The following SMG5 variants were observed in gnomAD, a reference collection of about 807,000 sequenced individuals.
SMG5 encodes the protein SMG5 nonsense mediated mRNA decay factor, also known as nonsense-mediated mRNA decay factor SMG5.
In SMG5, 53 loss-of-function variants were observed where a neutral mutation model predicts 122.9. That is an observed-to-expected ratio of 0.43 (90% CI 0.35 to 0.54). SMG5 has a LOEUF of 0.54. Among genes scored for constraint, SMG5 ranks in the 20% least tolerant of loss-of-function variants. The pLI, the probability that SMG5 is intolerant of heterozygous loss-of-function variation, is 0.01. For missense variants in SMG5, 1,153 were observed against 1,285.6 expected (o/e 0.90, Z 1.58); for synonymous variants, 477 against 490.2 (o/e 0.97, Z 0.35).
rs1179617875 is a variant in SMG5 at position 156,277,809 on chromosome 1, GCCTCTTACTGCCATGTTTTCTTGGCTC to G, written c.297+89_297+115del. 3.6e-6 allele frequency: 5 copies of G among 1,386,156 alleles called. No homozygotes were observed. The East Asian group carries it at 9.6e-5, about 27-fold the overall frequency. The allele number at this position is 1,386,156 out of a possible 1,614,324, so 85.9% of individuals were successfully genotyped here. ...TTACACGCATGAGCCACCGTGCCCAGCCTCTTACTGCCATGTTTTCTTGGCTCCCCTACCTCCAACCATGTTCTGCGC... is the reference window on the plus strand; with the variant it reads ...TTACACGCATGAGCCACCGTGCCCAGCCCTACCTCCAACCATGTTCTGCGC... On this transcript the variant is annotated intron_variant, in intron 3 of 21. Coordinates refer to ENST00000361813, the MANE Select transcript of SMG5 (RefSeq NM_015327.3).
intron 2 of SMG5, 134 bp from the exon 3 acceptor site, chr1:156,278,182 A>G: frequency 8.9e-7 from 1 of 1,121,558 alleles, no homozygotes; most frequent in Non-Finnish European, 1.2e-6. Context: ...TGCAGGGTCA[A>G]TATGACCCAG....
intron 1 of SMG5, among the ~76,000 whole-genome samples, chr1:156,281,687 A>G (rs1662952645): frequency 6.6e-6 from 1 of 152,222 alleles, no homozygotes; most frequent in Non-Finnish European, 1.5e-5. Flanking sequence ...AGCCTGAGCT[A>G]AATGAAAACC....
chr1:156,285,714 G>C, upstream of SMG5: 26 of 1,613,152 alleles, frequency 1.6e-5, no homozygotes, highest in Non-Finnish European at 2.0e-5. Flanking sequence ...ATGCCCCCCC[G>C]GGTCACCCAC....
chr1:156,274,505 T>TGGTGTTA, intron 5 of SMG5, 92 bp downstream of exon 5: 1 of 1,164,010 alleles, frequency 8.6e-7, no homozygotes, highest in South Asian at 1.2e-5. Context: ...CCTCCTGCTC[T>TGGTGTTA]CCAACCATGT....
chr1:156,285,956 G>A (rs1477396984), upstream of SMG5: 1 of 1,609,890 alleles, frequency 6.2e-7, no homozygotes, highest in African/African-American at 1.3e-5. Context: ...GCGCTGCGGG[G>A]TCTTTGCCAC....
At chr1:156,281,873 T>C (rs1662966223) in intron 1 of SMG5, among the ~76,000 whole-genome samples, 1 of 152,162 alleles carries the variant, frequency 6.6e-6, no homozygotes, top group African/African-American at 2.4e-5. Context: ...AAGATGTGAC[T>C]TGTGGAGCGT....
intron 1 of SMG5, among the ~76,000 whole-genome samples, chr1:156,281,389 C>A (rs957052944): frequency 6.6e-6 from 1 of 152,234 alleles, no homozygotes; most frequent in African/African-American, 2.4e-5. Context: ...ACAGGCAGCA[C>A]TGACACTCGG....
upstream of SMG5, among the ~76,000 whole-genome samples, chr1:156,285,011 C>T (rs1199130938): frequency 6.6e-6 from 1 of 152,170 alleles, no homozygotes; most frequent in Non-Finnish European, 1.5e-5. Flanking sequence ...CTGCTCACTT[C>T]CTTCCCTCCT....
chr1:156,269,566 C>T (rs1018331913), intron 7 of SMG5, among the ~76,000 whole-genome samples: 1 of 151,842 alleles, frequency 6.6e-6, no homozygotes, highest in African/African-American at 2.4e-5. Context: ...GAAACCCTGT[C>T]TCTACTAAAA....
At chr1:156,252,379 A>C (rs1452201465) in intron 19 of SMG5, 35 bp downstream of exon 19, 1 of 1,601,656 alleles carries the variant, frequency 6.2e-7, no homozygotes, top group South Asian at 1.1e-5. Flanking sequence ...AGACAGACCC[A>C]GGGCTCAGCA....
chr1:156,290,179 C>T, the SMG5 span: 2 of 152,132 alleles, frequency 1.3e-5, no homozygotes, highest in Admixed American at 1.3e-4. Context: ...CAGAGACAGT[C>T]TATATAGTAT....
chr1:156,274,386 T>G (rs1240925634), intron 5 of SMG5, among the ~76,000 whole-genome samples: 2 of 152,208 alleles, frequency 1.3e-5, no homozygotes, highest in African/African-American at 4.8e-5. Flanking sequence ...TCAAAGAAAT[T>G]TCCCTTTTTC....
At chr1:156,255,981 C>A (rs2103210462) in intron 16 of SMG5, among the ~76,000 whole-genome samples, 1 of 152,228 alleles carries the variant, frequency 6.6e-6, no homozygotes, top group Middle Eastern at 3.4e-3. Context: ...TATGAAATAA[C>A]TGACCAGTAC....
intron 4 of SMG5, among the ~76,000 whole-genome samples, chr1:156,275,065 G>A (rs12027103): frequency 0.23 from 34,548 of 148,842 alleles, 4,636 homozygotes; most frequent in Non-Finnish European, 0.29. Flanking sequence ...CACACATAAA[G>A]GTGAAAGGTT....
intron 19 of SMG5, 128 bp downstream of exon 19, chr1:156,252,286 T>C: frequency 1.3e-6 from 1 of 755,594 alleles, no homozygotes; most frequent in South Asian, 1.7e-5. Flanking sequence ...GGCAGTGAGG[T>C]GAGCTAACTG....
At chr1:156,264,729 A>G (rs1410158671) in intron 12 of SMG5, among the ~76,000 whole-genome samples, 1 of 152,178 alleles carries the variant, frequency 6.6e-6, no homozygotes, top group Non-Finnish European at 1.5e-5. Context: ...AACACTATGT[A>G]TAAAAGTTTG....
At chr1:156,256,119 CATT>C (rs1661566153) in intron 16 of SMG5, among the ~76,000 whole-genome samples, 1 of 152,112 alleles carries the variant, frequency 6.6e-6, no homozygotes, top group Non-Finnish European at 1.5e-5. Flanking sequence ...AGAAAACAGA[CATT>C]AGTGGGAAGA....
Position 156,265,969 on chromosome 1 carries a change from A to C in SMG5, c.1667T>G (p.Leu556Arg). 1 of 1,614,186 alleles carries C rather than the reference A, an allele frequency of 6.2e-7. No individual in the cohort carries two copies. Among genetic ancestry groups the C allele is most frequent in the Non-Finnish European group, 8.5e-7 (1 of 1,180,034 alleles). ...SEAPDSLNGP[L>R]GPSEASIASN... ...GGCAATGCTAGCCTCACTGGGGCCC[A>C]GTGGGCCATTGAGGGAATCGGGAGC... The change falls in exon 12 of 22, where the codon CTG becomes CGG. Residue 556 changes from leucine (L) to arginine (R), a missense_variant. Transcript: ENST00000361813.
chr1:156,274,048 G>C (rs1365714963), intron 5 of SMG5, among the ~76,000 whole-genome samples: 2 of 152,138 alleles, frequency 1.3e-5, no homozygotes, highest in African/African-American at 2.4e-5. Context: ...GAGGGGTCCA[G>C]GAGTGGGCTG....
Sources: allele counts gnomAD v4.1 joint callset (sites outside exome capture counted in the v4.1 genomes callset), GRCh38; gene constraint gnomAD v4.1.1; transcripts MANE v1.5; gene names NCBI Gene and HGNC (gene_info 2026-07-23, HGNC 2026-07-21).